Variants in ADAMTSL1 observed in about 807,000 individuals in gnomAD.
ADAMTSL1 encodes ADAMTS like 1.
Under a neutral mutation model 201.8 loss-of-function variants are expected in ADAMTSL1, and 126 were observed. The ratio of observed to expected loss-of-function variants is 0.62; its 90% CI spans 0.54 to 0.72. ADAMTSL1 has a LOEUF of 0.72. ADAMTSL1 is among the 30% of genes least tolerant of loss of function. ADAMTSL1 has a pLI of 0.00. For missense variants in ADAMTSL1, 2,679 were observed against 2,277.8 expected, an observed-to-expected ratio of 1.18 and a Z score of -3.59; for synonymous variants, 1,121 against 903.4, an observed-to-expected ratio of 1.24 and a Z score of -4.32.
chr9:18,776,669 C>G (rs1283044790), intron 18 of ADAMTSL1, 112 bp from the exon 19 acceptor site: 1 of 1,241,198 alleles, frequency 8.1e-7, no homozygotes. Flanking sequence ...GTCTCTCCTT[C>G]TCTTCTCCAC....
intron 15 of ADAMTSL1, among the ~76,000 whole-genome samples, chr9:18,743,810 T>C (rs979377750): frequency 3.3e-5 from 5 of 152,266 alleles, no homozygotes; most frequent in African/African-American, 7.2e-5. Context: ...TCTTTTACTT[T>C]ATCTTTTCTA....
intron 13 of ADAMTSL1, among the ~76,000 whole-genome samples, chr9:18,691,724 T>C (rs1831231292): frequency 6.6e-6 from 1 of 152,174 alleles, no homozygotes; most frequent in African/African-American, 2.4e-5. Flanking sequence ...ACAGAGAGCT[T>C]GTGTTTCAAT....
At chr9:18,507,234 T>C (rs891891068) in intron 2 of ADAMTSL1, among the ~76,000 whole-genome samples, 5 of 152,306 alleles carry the variant, frequency 3.3e-5, no homozygotes, top group African/African-American at 1.2e-4. Context: ...TCTAGTGGGA[T>C]TTCTGGAGAC....
At chr9:18,167,066 T>A (rs28550083) in intron 2 of ADAMTSL1, among the ~76,000 whole-genome samples, 1 of 151,950 alleles carries the variant, frequency 6.6e-6, no homozygotes, top group African/African-American at 2.4e-5. Flanking sequence ...CTTCCAGTGA[T>A]TGCCTGAAAT....
At chr9:18,386,285 T>C (rs1006460333) in intron 2 of ADAMTSL1, among the ~76,000 whole-genome samples, 4 of 152,152 alleles carry the variant, frequency 2.6e-5, no homozygotes, top group African/African-American at 9.7e-5. Context: ...AACGACAAAT[T>C]GCTGAGTGTT....
chr9:18,374,232 C>T (rs1040989215), intron 2 of ADAMTSL1, among the ~76,000 whole-genome samples: 5 of 152,172 alleles, frequency 3.3e-5, no homozygotes, highest in Middle Eastern at 3.4e-3. Flanking sequence ...TCCTTGGAGC[C>T]GTAAAGAAAG....
chr9:18,570,768 A>G (rs890315328), intron 3 of ADAMTSL1, among the ~76,000 whole-genome samples: 1 of 152,220 alleles, frequency 6.6e-6, no homozygotes, highest in Non-Finnish European at 1.5e-5. Flanking sequence ...TTCTCAATTT[A>G]GCAAAATATA....
chr9:18,279,614 A>C (rs1832708689), intron 2 of ADAMTSL1, among the ~76,000 whole-genome samples: 3 of 152,024 alleles, frequency 2.0e-5, no homozygotes, highest in Admixed American at 2.0e-4. Flanking sequence ...AAAATAAGTC[A>C]CTAGTAACTG....
In ADAMTSL1 at chr9:18,000,485, C is replaced by T. The variant is rs368000215; in HGVS notation, c.87+93563C>T. On this transcript the variant is annotated intron_variant, in intron 1 of 29. Coordinates refer to the ADAMTSL1 transcript ENST00000680146. ...CAGAGGAAGGGGAAGAGTACCTCTC[C>T]TCTGAGCCCAGTTTCTTGACATCCA... Among the ~76,000 whole-genome samples the T allele has an allele frequency of 4.2e-4, 64 of 152,128 alleles. No homozygotes were observed. The East Asian group carries it at 9.0e-3, about 21-fold the overall frequency.
chr9:18,084,390 T>G (rs1445404865), intron 1 of ADAMTSL1, among the ~76,000 whole-genome samples: 1 of 151,866 alleles, frequency 6.6e-6, no homozygotes, highest in Non-Finnish European at 1.5e-5. Context: ...GGCGCGGTGG[T>G]GTGCACCTGT....
chr9:18,005,544 C>T (rs923292552), intron 1 of ADAMTSL1, among the ~76,000 whole-genome samples: 2 of 151,976 alleles, frequency 1.3e-5, no homozygotes, highest in African/African-American at 4.8e-5. Flanking sequence ...CTTTGTTCTC[C>T]CCTCCATACT....
chr9:17,924,799 G>A, intron 1 of ADAMTSL1, among the ~76,000 whole-genome samples: 2 of 96,100 alleles, frequency 2.1e-5, no homozygotes, highest in African/African-American at 7.7e-5. Context: ...CATGGGCAAG[G>A]ACTTCATGTC....
At chr9:18,889,839 G>T in intron 25 of ADAMTSL1, 91 bp downstream of exon 25, 1 of 1,264,366 alleles carries the variant, frequency 7.9e-7, no homozygotes, top group Non-Finnish European at 1.0e-6. Context: ...CAGTAGCACT[G>T]TGCAGGGAGA....
intron 15 of ADAMTSL1, among the ~76,000 whole-genome samples, chr9:18,752,231 G>A (rs1819509925): frequency 6.6e-6 from 1 of 152,112 alleles, no homozygotes; most frequent in Non-Finnish European, 1.5e-5. Flanking sequence ...AGGAGGTAGT[G>A]GAAACAGGTT....
intron 1 of ADAMTSL1, among the ~76,000 whole-genome samples, chr9:18,080,897 G>A (rs1190173702): frequency 1.3e-5 from 2 of 152,078 alleles, no homozygotes; most frequent in Non-Finnish European, 2.9e-5. Context: ...TTATTTTAAT[G>A]TTAGTCCCAA....
chr9:18,267,056 T>C (rs1372432524), intron 2 of ADAMTSL1, among the ~76,000 whole-genome samples: 2 of 152,112 alleles, frequency 1.3e-5, no homozygotes, highest in Non-Finnish European at 2.9e-5. Context: ...ACTACTTCAT[T>C]TGATCTGACT....
rs557824710 is a variant in ADAMTSL1, at chr9:18,523,288, T to G, written c.192-9959T>G. ...CCTTTTCCCACTTTTTGATGGGGTT[T>G]TTTGTTTTTTTCTTGTAAATTTGTT... On this transcript the variant is annotated intron_variant, in intron 2 of 28. Coordinates refer to ENST00000380548, the MANE Select transcript of ADAMTSL1 (RefSeq NM_001040272.6). Among the ~76,000 whole-genome samples the G allele has an allele frequency of 8.5e-5, 13 of 152,074 alleles. No individual in the cohort carries two copies. In the East Asian group the frequency reaches 2.5e-3, roughly 29 times the overall value.
chr9:18,779,905 C>G (rs1588096414), intron 19 of ADAMTSL1, among the ~76,000 whole-genome samples: 1 of 152,142 alleles, frequency 6.6e-6, no homozygotes, highest in South Asian at 2.1e-4. Flanking sequence ...GGCCTATTGC[C>G]TGGGATTGGT....
At chr9:18,662,781 C>T (rs1455516902) in intron 9 of ADAMTSL1, among the ~76,000 whole-genome samples, 2 of 152,168 alleles carry the variant, frequency 1.3e-5, no homozygotes, top group African/African-American at 4.8e-5. Flanking sequence ...GAAGAGTAGT[C>T]ATGGAAGTGC....
Sources: allele counts gnomAD v4.1 joint callset (sites outside exome capture counted in the v4.1 genomes callset), GRCh38; gene constraint gnomAD v4.1.1; transcripts MANE v1.5; gene names NCBI Gene and HGNC (gene_info 2026-07-23, HGNC 2026-07-21).